The following SLCO1B3 variants were observed in gnomAD, a reference collection of about 807,000 sequenced individuals.
The protein encoded by SLCO1B3 is solute carrier organic anion transporter family member 1B3, also known as liver-specific organic anion transporter 2.
A neutral mutation model predicts 71.8 loss-of-function variants in SLCO1B3; 72 were observed. That is an observed-to-expected ratio of 1.00 (90% confidence interval 0.83 to 1.22). The LOEUF (loss-of-function observed/expected upper bound fraction) is 1.22, where lower values mean the gene tolerates loss of function less well. Among genes scored for constraint, SLCO1B3 ranks in the 50% most tolerant of loss-of-function variants. The pLI is 0.00. For synonymous variants in SLCO1B3, 298 were observed against 278.4 expected, an observed-to-expected ratio of 1.07 and a Z score of -0.70; for missense variants, 911 against 819.7, an observed-to-expected ratio of 1.11 and a Z score of -1.36.
intron 8 of SLCO1B3, among the ~76,000 whole-genome samples, chr12:20,863,550 T>C (rs542489556): frequency 2.0e-5 from 3 of 152,308 alleles, no homozygotes; most frequent in South Asian, 2.1e-4. Flanking sequence ...CCCATACTTA[T>C]GAAAAAGTAT....
intron 3 of SLCO1B3, among the ~76,000 whole-genome samples, chr12:20,841,056 C>T (rs1212735089): frequency 6.6e-6 from 1 of 152,156 alleles, no homozygotes; most frequent in Non-Finnish European, 1.5e-5. Context: ...CAACCTGAGG[C>T]TCTAGCAATT....
rs1354329358 is a variant in SLCO1B3 at position 20,901,235 on chromosome 12, A to G, written c.1748-115A>G. 3 of 714,662 alleles carry G rather than the reference A, an allele frequency of 4.2e-6. No individual in the cohort carries two copies. In the East Asian group the frequency reaches 8.6e-5, roughly 21 times the overall value. 44.3% of individuals were successfully genotyped at this position (714,662 alleles called of 1,614,324 possible). On this transcript the variant is annotated intron_variant, in intron 14 of 15. Coordinates refer to ENST00000381545, the MANE Select transcript of SLCO1B3 (RefSeq NM_019844.4). ...GGTGGATGTAAGCCAAACCAATGGAATAATTTTCCAAAACTTTAAACTTGT... is the reference window on the plus strand; with the variant it reads ...GGTGGATGTAAGCCAAACCAATGGAGTAATTTTCCAAAACTTTAAACTTGT...
Position 20,822,453 on chromosome 12 carries a change from G to A in SLCO1B3, c.84+6631G>A, listed in dbSNP as rs375572648. 1.1e-3 allele frequency among the ~76,000 whole-genome samples: 163 copies of A among 152,284 alleles called. 4 individuals are homozygous for A. The South Asian group carries it at 0.033, about 31-fold the overall frequency. ...GGAAATTCAAAGGGTTAGTCACTCAGTTAAGGTGGGGCAGGAACAAATCAC... is the reference window on the plus strand; with the variant it reads ...GGAAATTCAAAGGGTTAGTCACTCAATTAAGGTGGGGCAGGAACAAATCAC... On this transcript the variant is annotated intron_variant, in intron 3 of 15. Transcript: ENST00000381545.
At chr12:20,908,681 A>G (rs1246447578) in intron 15 of SLCO1B3, among the ~76,000 whole-genome samples, 2 of 152,136 alleles carry the variant, frequency 1.3e-5, no homozygotes, top group African/African-American at 4.8e-5. Context: ...AGTAATATGC[A>G]TTTAAGTTTC....
chr12:20,879,413 T>G, intron 10 of SLCO1B3, 23 bp from the exon 11 acceptor site: 1 of 1,519,668 alleles, frequency 6.6e-7, no homozygotes, highest in Non-Finnish European at 9.0e-7. Context: ...AATTATAGCT[T>G]TTTTCTCTTC....
At chr12:20,818,100 G>A (rs1864224748) in intron 3 of SLCO1B3, among the ~76,000 whole-genome samples, 1 of 152,122 alleles carries the variant, frequency 6.6e-6, no homozygotes, top group Non-Finnish European at 1.5e-5. Flanking sequence ...CTGGTGTCTG[G>A]AATGAGACTG....
intron 5 of SLCO1B3, among the ~76,000 whole-genome samples, chr12:20,860,234 C>T (rs1472233962): frequency 6.6e-6 from 1 of 152,130 alleles, no homozygotes; most frequent in African/African-American, 2.4e-5. Flanking sequence ...GGATTACAGG[C>T]GTGAGCCACC....
At chr12:20,906,333 G>A (rs774408401) in intron 15 of SLCO1B3, among the ~76,000 whole-genome samples, 6 of 152,176 alleles carry the variant, frequency 3.9e-5, no homozygotes, top group Admixed American at 6.5e-5. Context: ...GTTTCTTGGG[G>A]CTCAGTGTGG....
intron 3 of SLCO1B3, among the ~76,000 whole-genome samples, chr12:20,841,099 CT>C (rs1864790639): frequency 6.6e-6 from 1 of 151,986 alleles, no homozygotes; most frequent in African/African-American, 2.4e-5. Flanking sequence ...CTTTTTTACC[CT>C]AGCACTATTT....
chr12:20,892,301 C>T (rs926199726), intron 13 of SLCO1B3, among the ~76,000 whole-genome samples: 1 of 151,968 alleles, frequency 6.6e-6, no homozygotes, highest in African/African-American at 2.4e-5. Flanking sequence ...AGAGAAAATG[C>T]CAGAAAGGGA....
chr12:20,881,132 C>T (rs1464871109), intron 12 of SLCO1B3, 112 bp downstream of exon 12: 1 of 747,454 alleles, frequency 1.3e-6, no homozygotes, highest in Non-Finnish European at 2.1e-6. Context: ...AAAGATAAAA[C>T]AAAAAGATTC....
intron 4 of SLCO1B3, 115 bp from the exon 5 acceptor site, chr12:20,858,324 G>T: frequency 1.4e-6 from 1 of 698,848 alleles, no homozygotes; most frequent in Non-Finnish European, 2.4e-6. Context: ...AAATTACATG[G>T]TCTTTGAGGG....
At chr12:20,882,538 G>A (rs1865712657) in intron 12 of SLCO1B3, among the ~76,000 whole-genome samples, 1 of 151,890 alleles carries the variant, frequency 6.6e-6, no homozygotes, top group African/African-American at 2.4e-5. Context: ...CAAGTAGCTG[G>A]GATTACAGGT....
chr12:20,893,559 T>C (rs962438672), intron 13 of SLCO1B3, among the ~76,000 whole-genome samples: 16 of 151,902 alleles, frequency 1.1e-4, no homozygotes, highest in African/African-American at 3.4e-4. Flanking sequence ...GATGTGGAGG[T>C]TGTGGAAGGA....
chr12:20,842,446 C>T (rs1196682693), intron 3 of SLCO1B3, among the ~76,000 whole-genome samples: 1 of 152,100 alleles, frequency 6.6e-6, no homozygotes, highest in Non-Finnish European at 1.5e-5. Context: ...GTAGAAACCT[C>T]TATCCATAAT....
intron 8 of SLCO1B3, among the ~76,000 whole-genome samples, chr12:20,874,952 G>C (rs1446581531): frequency 1.3e-5 from 2 of 152,102 alleles, no homozygotes; most frequent in Non-Finnish European, 1.5e-5. Flanking sequence ...AATGATGACA[G>C]CTGTCCAGTC....
chr12:20,863,583 G>A (rs1865313244), intron 8 of SLCO1B3, among the ~76,000 whole-genome samples: 1 of 151,978 alleles, frequency 6.6e-6, no homozygotes, highest in Non-Finnish European at 1.5e-5. Flanking sequence ...AATATTAGTA[G>A]ATCCAACTGG....
At chr12:20,853,838 T>G (rs1374361292) in intron 3 of SLCO1B3, among the ~76,000 whole-genome samples, 10 of 152,132 alleles carry the variant, frequency 6.6e-5, no homozygotes, top group Non-Finnish European at 1.5e-4. Context: ...TTTTCTTTCC[T>G]TAATATCAAT....
chr12:20,885,833 G>C (rs568768559), intron 13 of SLCO1B3, among the ~76,000 whole-genome samples: 2 of 152,110 alleles, frequency 1.3e-5, no homozygotes, highest in East Asian at 3.9e-4. Context: ...TATTCTAAGT[G>C]TGTTCAGAAG....
Sources: allele counts gnomAD v4.1 joint callset (sites outside exome capture counted in the v4.1 genomes callset), GRCh38; gene constraint gnomAD v4.1.1; transcripts MANE v1.5; gene names NCBI Gene and HGNC (gene_info 2026-07-23, HGNC 2026-07-21).